Variants in FANCL observed in about 807,000 individuals in gnomAD.
The protein encoded by FANCL is E3 ubiquitin-protein ligase FANCL.
A neutral mutation model predicts 59.4 loss-of-function variants in FANCL; 69 were observed. That is an observed-to-expected ratio of 1.16 (90% CI 0.96 to 1.42). FANCL has a LOEUF of 1.42. FANCL is among the 40% of genes most tolerant of loss of function. The pLI is 0.00. For missense variants in FANCL, 519 were observed against 447.2 expected (o/e 1.16, Z -1.45); for synonymous variants, 180 against 147.1 (o/e 1.22, Z -1.62).
At chr2:58,200,147 G>C (rs1330060613) in intron 6 of FANCL, among the ~76,000 whole-genome samples, 4 of 151,550 alleles carry the variant, frequency 2.6e-5, no homozygotes, top group African/African-American at 9.7e-5. Flanking sequence ...ATTAAAAGAG[G>C]AAGTTCTATT....
At chr2:58,214,407 A>G (rs17049417) in intron 5 of FANCL, among the ~76,000 whole-genome samples, 14,233 of 152,156 alleles carry the variant, frequency 0.094, 688 homozygotes, top group African/African-American at 0.11. Context: ...CAAGAATCCT[A>G]TAATTATACT....
At chr2:58,212,226 A>T (rs765822164) in intron 5 of FANCL, among the ~76,000 whole-genome samples, 1 of 152,242 alleles carries the variant, frequency 6.6e-6, no homozygotes, top group Non-Finnish European at 1.5e-5. Context: ...GGATGGCAGC[A>T]GGCAAAGAGA....
chr2:58,190,400 A>C lies in FANCL; in HGVS notation c.540+8194T>G, dbSNP rs374025218. On this transcript the variant is annotated intron_variant, in intron 7 of 13. Coordinates refer to ENST00000233741, the MANE Select transcript of FANCL (RefSeq NM_018062.4). ...GTGAAAGAAAGAAAGCTCCTCAAGCACATGCTGAAAATAAGTAGGTACTTT... is the reference window on the plus strand; with the variant it reads ...GTGAAAGAAAGAAAGCTCCTCAAGCCCATGCTGAAAATAAGTAGGTACTTT... Among the ~76,000 whole-genome samples, 8 of 151,770 alleles carry C rather than the reference A, an allele frequency of 5.3e-5. No individual in the cohort carries two copies. The East Asian group carries it at 1.2e-3, about 22-fold the overall frequency.
At chr2:58,205,184 T>G (rs992648917) in intron 5 of FANCL, among the ~76,000 whole-genome samples, 1 of 152,050 alleles carries the variant, frequency 6.6e-6, no homozygotes, top group African/African-American at 2.4e-5. Flanking sequence ...TATCACTATA[T>G]GCCATTTAGA....
intron 1 of FANCL, among the ~76,000 whole-genome samples, chr2:58,239,902 C>A (rs1181040535): frequency 6.6e-6 from 1 of 151,948 alleles, no homozygotes; most frequent in Non-Finnish European, 1.5e-5. Flanking sequence ...AAAATATATA[C>A]AAAATATTTT....
At chr2:58,219,884 T>C (rs1692300457) in intron 5 of FANCL, among the ~76,000 whole-genome samples, 2 of 152,128 alleles carry the variant, frequency 1.3e-5, no homozygotes, top group South Asian at 2.1e-4. Context: ...CTCATAAAGA[T>C]AGTGCTATTA....
At chr2:58,159,995 A>G in intron 13 of FANCL, 113 bp downstream of exon 13, 2 of 1,553,472 alleles carry the variant, frequency 1.3e-6, no homozygotes, top group Non-Finnish European at 1.7e-6. Flanking sequence ...AGAAATACAG[A>G]GAATGAGTTT....
intron 7 of FANCL, among the ~76,000 whole-genome samples, chr2:58,185,908 T>C (rs1573622386): frequency 6.6e-6 from 1 of 152,138 alleles, no homozygotes; most frequent in South Asian, 2.1e-4. Flanking sequence ...CACTTAGGTC[T>C]AAACATTTTA....
At chr2:58,174,256 A>G (rs1387761405) in intron 7 of FANCL, among the ~76,000 whole-genome samples, 3 of 152,210 alleles carry the variant, frequency 2.0e-5, no homozygotes, top group African/African-American at 7.2e-5. Context: ...AAGGATACCC[A>G]GGAATTGAAC....
intron 7 of FANCL, among the ~76,000 whole-genome samples, chr2:58,176,737 A>G (rs1167456712): frequency 3.3e-5 from 5 of 152,178 alleles, no homozygotes; most frequent in African/African-American, 1.2e-4. Context: ...CTTCATGTCT[A>G]AAACACCAAA....
chr2:58,228,411 T>C (rs1229073096), intron 3 of FANCL, among the ~76,000 whole-genome samples: 5 of 152,326 alleles, frequency 3.3e-5, no homozygotes, highest in African/African-American at 4.8e-5. Context: ...TTCTTCTACA[T>C]TGCATTTTCC....
intron 2 of FANCL, 58 bp from the exon 3 acceptor site, chr2:58,229,932 G>T: frequency 1.7e-6 from 2 of 1,205,398 alleles, no homozygotes; most frequent in Non-Finnish European, 2.5e-6. Flanking sequence ...AAACTTATTT[G>T]TATGCTAACA....
chr2:58,219,494 T>TTGGA lies in FANCL; in HGVS notation c.374+2447_374+2448insTCCA, dbSNP rs1397102431. Among the ~76,000 whole-genome samples, 23 of 151,870 alleles carry TTGGA rather than the reference T, an allele frequency of 1.5e-4. 1 individual carries two copies. The highest frequency in any genetic ancestry group is 5.6e-4 in the African/African-American group (23 of 41,382). On this transcript the variant is annotated intron_variant, in intron 5 of 13. Transcript: ENST00000233741. ...TGAAGTGTGAGCTACATATAGTGAC[T>TTGGA]TCCAAAGAGTAAAGTGTGGAGAGAG...
chr2:58,189,423 G>C (rs1226133348), intron 7 of FANCL, among the ~76,000 whole-genome samples: 1 of 151,994 alleles, frequency 6.6e-6, no homozygotes, highest in Non-Finnish European at 1.5e-5. Context: ...TCACAGTAAG[G>C]ACAAAGAATG....
chr2:58,181,826 T>C (rs1434754362), intron 7 of FANCL, among the ~76,000 whole-genome samples: 1 of 151,958 alleles, frequency 6.6e-6, no homozygotes, highest in African/African-American at 2.4e-5. Context: ...AAATTACGTA[T>C]GAGTTATTTG....
chr2:58,171,181 C>T (rs1686566439), intron 7 of FANCL, among the ~76,000 whole-genome samples: 1 of 152,156 alleles, frequency 6.6e-6, no homozygotes, highest in African/African-American at 2.4e-5. Context: ...TCTCTCAAAC[C>T]ACAGTGCAAT....
chr2:58,205,126 T>C (rs141022778), intron 5 of FANCL, among the ~76,000 whole-genome samples: 13 of 152,076 alleles, frequency 8.5e-5, no homozygotes, highest in Admixed American at 2.0e-4. Context: ...GTAAGACCCA[T>C]TGGAGTTCAG....
chr2:58,222,109 G>T, intron 4 of FANCL, 67 bp from the exon 5 acceptor site: 1 of 1,100,300 alleles, frequency 9.1e-7, no homozygotes, highest in South Asian at 1.3e-5. Flanking sequence ...ATACCTGATT[G>T]CAAAACATAA....
intron 7 of FANCL, among the ~76,000 whole-genome samples, chr2:58,191,673 GATA>G (rs746855016): frequency 6.6e-5 from 10 of 151,782 alleles, no homozygotes; most frequent in Non-Finnish European, 1.3e-4. Flanking sequence ...TCAATATATA[GATA>G]ATAATTGCTG....
Sources: gnomAD v4.1 joint callset for allele counts (sites outside exome capture counted in the v4.1 genomes callset) on GRCh38, gnomAD v4.1.1 for gene constraint, MANE v1.5 for transcripts, NCBI Gene and HGNC (gene_info 2026-07-23, HGNC 2026-07-21) for gene names.